Variants in ZFP64 observed in about 807,000 individuals in gnomAD.
ZFP64 encodes zinc finger protein 64.
A neutral mutation model predicts 51.6 loss-of-function variants in ZFP64; 14 were observed. The observed-to-expected ratio is 0.27, with a 90% CI of 0.18 to 0.42. The LOEUF (loss-of-function observed/expected upper bound fraction) is 0.42. Ranked by LOEUF, ZFP64 falls within the 10% of genes least tolerant of loss-of-function variation. The probability of loss-of-function intolerance (pLI) is 1.00; values close to 1 mark genes in which losing one functional copy is unlikely to be tolerated. For missense variants in ZFP64, 754 were observed against 906.8 expected (o/e 0.83, Z 2.16); for synonymous variants, 375 against 361.4 (o/e 1.04, Z -0.43).
At chr20:52,144,377 A>G (rs1980408762) in intron 5 of ZFP64, among the ~76,000 whole-genome samples, 1 of 143,370 alleles carries the variant, frequency 7.0e-6, no homozygotes, top group Admixed American at 7.2e-5. Flanking sequence ...CAAGAGATCA[A>G]GACTATCCTG....
At chr20:52,107,116 A>ACC (rs1978327253) in intron 5 of ZFP64, among the ~76,000 whole-genome samples, 1 of 79,296 alleles carries the variant, frequency 1.3e-5, no homozygotes. Flanking sequence ...ATGTATATAT[A>ACC]CACACACGTT....
chr20:52,165,292 G>T (rs1430682085), intron 3 of ZFP64: 4 of 456,060 alleles, frequency 8.8e-6, no homozygotes, highest in South Asian at 1.5e-5. Flanking sequence ...TTATTTAAAA[G>T]AATATTCTGG....
chr20:52,164,531 A>C (rs1338414267), intron 4 of ZFP64, among the ~76,000 whole-genome samples, 164 bp downstream of exon 4: 1 of 152,206 alleles, frequency 6.6e-6, no homozygotes, highest in African/African-American at 2.4e-5. Context: ...TTTTCTGCCA[A>C]AGTCATGTGT....
At chr20:52,161,925 T>C (rs1600778287) in intron 4 of ZFP64, among the ~76,000 whole-genome samples, 1 of 152,206 alleles carries the variant, frequency 6.6e-6, no homozygotes, top group African/African-American at 2.4e-5. Flanking sequence ...ACTAGCCAAG[T>C]GCTAAAATAG....
At position 52,160,039 on chromosome 20, in the gene ZFP64, A is replaced by G; in HGVS notation, c.763+84T>C. ...CAAAGGTTCCAACTCGATTTCTTAC[A>G]TTGTGGCTGAATGCTTTAAGGTGCT... On this transcript the variant is annotated intron_variant, in intron 5 of 5. Transcript: ENST00000216923. The surrounding 1 kb of genome is among the most constrained non-coding windows in gnomAD (Gnocchi z 4.2). 6.3e-7 allele frequency: 1 copy of G among 1,584,482 alleles called. No individual in the cohort carries two copies. The highest frequency in any genetic ancestry group is 2.0e-4 in the Middle Eastern group (1 of 5,114).
At chr20:52,165,170 T>A in intron 3 of ZFP64, 1 of 458,466 alleles carries the variant, frequency 2.2e-6, no homozygotes, top group Non-Finnish European at 4.4e-6. Flanking sequence ...CTTTTGATAT[T>A]GGTAGAAAGG....
intron 4 of ZFP64, among the ~76,000 whole-genome samples, chr20:52,162,671 A>G (rs963649958): frequency 5.3e-5 from 8 of 152,322 alleles, no homozygotes; most frequent in Admixed American, 1.3e-4. Context: ...CAAAAATTTT[A>G]GTCATCAAAT....
chr20:52,103,228 C>CCA (rs2079072485), intron 5 of ZFP64, among the ~76,000 whole-genome samples: 1 of 152,156 alleles, frequency 6.6e-6, no homozygotes, highest in South Asian at 2.1e-4. Flanking sequence ...TAAGGTTCCT[C>CCA]CAGCCCCTTC....
chr20:52,162,622 G>C (rs1600780119), intron 4 of ZFP64, among the ~76,000 whole-genome samples: 1 of 152,074 alleles, frequency 6.6e-6, no homozygotes, highest in East Asian at 1.9e-4. Flanking sequence ...GCGAGACTCT[G>C]TCTCAAAAAA....
intron 5 of ZFP64, among the ~76,000 whole-genome samples, chr20:52,103,000 T>C (rs1448157477): frequency 6.6e-6 from 1 of 152,076 alleles, no homozygotes; most frequent in Non-Finnish European, 1.5e-5. Flanking sequence ...ATGACCCAGA[T>C]AGAGCCTCTG....
chr20:52,176,021 C>T, intron 2 of ZFP64: 1 of 960,798 alleles, frequency 1.0e-6, no homozygotes, highest in Non-Finnish European at 1.2e-6. Flanking sequence ...GTTGGAAGCC[C>T]TGACCACGCC....
intron 5 of ZFP64, among the ~76,000 whole-genome samples, chr20:52,137,567 A>G (rs921041720): frequency 2.6e-5 from 4 of 152,242 alleles, no homozygotes; most frequent in Admixed American, 1.3e-4. Flanking sequence ...AAAGCGCAAC[A>G]TAGGGAAGCT....
chr20:52,135,021 C>A (rs534600594), intron 5 of ZFP64, among the ~76,000 whole-genome samples: 1 of 152,170 alleles, frequency 6.6e-6, no homozygotes, highest in African/African-American at 2.4e-5. Flanking sequence ...CGCCACTGCA[C>A]CTGGCTACTT....
intron 7 of ZFP64, chr20:52,088,722 G>T: frequency 6.3e-7 from 1 of 1,590,716 alleles, no homozygotes. Flanking sequence ...TGATAGCCTG[G>T]GCATATGGGT....
chr20:52,090,073 G>A (rs1246419876), intron 7 of ZFP64, among the ~76,000 whole-genome samples: 6 of 152,136 alleles, frequency 3.9e-5, no homozygotes, highest in African/African-American at 7.2e-5. Context: ...GGTAAGACAC[G>A]AAAGCTCGTT....
chr20:52,084,994 T>C, exon 9 of ZFP64: 1 of 1,614,094 alleles, frequency 6.2e-7, no homozygotes, highest in Non-Finnish European at 8.5e-7. Context: ...CAGGAGTAGC[T>C]GCACTCTGGA....
At chr20:52,129,437 G>A (rs967031244) in intron 5 of ZFP64, among the ~76,000 whole-genome samples, 10 of 152,048 alleles carry the variant, frequency 6.6e-5, no homozygotes, top group African/African-American at 2.2e-4. Flanking sequence ...AGGATTACAG[G>A]TGTGAGCCAC....
chr20:52,143,829 C>A (rs1312845549), intron 5 of ZFP64, among the ~76,000 whole-genome samples: 1 of 142,810 alleles, frequency 7.0e-6, no homozygotes, highest in African/African-American at 2.5e-5. Context: ...AGATTATAGG[C>A]GTGAACCACC....
chr20:52,126,342 G>A (rs995240879), intron 5 of ZFP64, among the ~76,000 whole-genome samples: 3 of 152,156 alleles, frequency 2.0e-5, no homozygotes, highest in Non-Finnish European at 4.4e-5. Context: ...ATGTGGAGCT[G>A]GAATTTCAAC....
Sources: allele counts gnomAD v4.1 joint callset (sites outside exome capture counted in the v4.1 genomes callset), GRCh38; gene constraint gnomAD v4.1.1; non-coding constraint Gnocchi (gnomAD v3.1); transcripts MANE v1.5; gene names NCBI Gene and HGNC (gene_info 2026-07-23, HGNC 2026-07-21).